The following LARGE1 variants were observed in gnomAD, a reference collection of about 807,000 sequenced individuals.
LARGE1 encodes the protein xylosyl- and glucuronyltransferase LARGE1.
In LARGE1, 43 loss-of-function variants were observed where a neutral mutation model predicts 87.6. The ratio of observed to expected loss-of-function variants is 0.49; its 90% CI spans 0.38 to 0.63. LARGE1 has a LOEUF of 0.63. LARGE1 is among the 30% of genes least tolerant of loss of function. LARGE1 has a pLI of 0.00. For synonymous variants in LARGE1, 434 were observed against 394.6 expected (o/e 1.10, Z -1.18); for missense variants, 802 against 1,000.2 (o/e 0.80, Z 2.67).
intron 12 of LARGE1, among the ~76,000 whole-genome samples, chr22:33,289,460 T>C (rs2145962536): frequency 6.6e-6 from 1 of 152,216 alleles, no homozygotes; most frequent in East Asian, 1.9e-4. Context: ...AAGGCTTATC[T>C]CTCATCTCTC....
chr22:33,829,861 C>G (rs1177072342), intron 1 of LARGE1, among the ~76,000 whole-genome samples: 2 of 152,104 alleles, frequency 1.3e-5, no homozygotes, highest in Non-Finnish European at 2.9e-5. Context: ...TGGAGTTAAC[C>G]CATTCTGAGC....
At chr22:33,755,544 C>A (rs2084481578) in intron 2 of LARGE1, among the ~76,000 whole-genome samples, 1 of 152,174 alleles carries the variant, frequency 6.6e-6, no homozygotes, top group Non-Finnish European at 1.5e-5. Context: ...ACAATAAAAC[C>A]CACTGGGCTC....
At chr22:33,596,958 A>G (rs1427747710) in intron 5 of LARGE1, among the ~76,000 whole-genome samples, 7 of 152,240 alleles carry the variant, frequency 4.6e-5, no homozygotes, top group African/African-American at 9.6e-5. Flanking sequence ...TGGGGGATTC[A>G]GAAGGCCACA....
intron 11 of LARGE1, among the ~76,000 whole-genome samples, chr22:33,192,461 T>G (rs1274379459): frequency 6.6e-6 from 1 of 152,200 alleles, no homozygotes; most frequent in African/African-American, 2.4e-5. Context: ...TGGCCATTTG[T>G]GTGTCTTCGT....
chr22:33,193,297 T>C (rs1279819303), intron 11 of LARGE1, among the ~76,000 whole-genome samples: 1 of 151,804 alleles, frequency 6.6e-6, no homozygotes, highest in East Asian at 1.9e-4. Flanking sequence ...AGCAAGAGAG[T>C]TTAAGGAACG....
chr22:33,358,821 C>T (rs148543071), intron 9 of LARGE1, among the ~76,000 whole-genome samples: 8 of 151,016 alleles, frequency 5.3e-5, no homozygotes, highest in African/African-American at 1.9e-4. Flanking sequence ...TCCATCTCTA[C>T]TTAAAATACA....
chr22:33,528,322 C>CA (rs1223001746), intron 6 of LARGE1, among the ~76,000 whole-genome samples: 2 of 152,122 alleles, frequency 1.3e-5, no homozygotes, highest in African/African-American at 4.8e-5. Flanking sequence ...CAGAAACAGA[C>CA]ACTTCACCAG....
chr22:33,842,375 GCT>G (rs1482021668), intron 1 of LARGE1, among the ~76,000 whole-genome samples: 1 of 152,078 alleles, frequency 6.6e-6, no homozygotes, highest in African/African-American at 2.4e-5. Flanking sequence ...AAAACTAGTA[GCT>G]CTGCTGGCTT....
chr22:33,417,031 C>T (rs7364196), intron 7 of LARGE1, among the ~76,000 whole-genome samples: 49,277 of 150,760 alleles, frequency 0.33, 8,578 homozygotes, highest in Non-Finnish European at 0.38. Flanking sequence ...TTCAGCCTCC[C>T]GAGTAGCTGG....
At chr22:33,626,402 A>G (rs2079924249) in intron 3 of LARGE1, 76 bp from the exon 4 acceptor site, 2 of 1,150,898 alleles carry the variant, frequency 1.7e-6, no homozygotes, top group Non-Finnish European at 1.3e-6. Flanking sequence ...ATCACACTAG[A>G]AAGAAAAATT....
intron 11 of LARGE1, among the ~76,000 whole-genome samples, chr22:33,248,521 C>G (rs1555885143): frequency 6.6e-6 from 1 of 152,104 alleles, no homozygotes; most frequent in Non-Finnish European, 1.5e-5. Context: ...TCAGCACAGC[C>G]CACCACAGTG....
rs1410699326 is a variant in LARGE1 at position 33,650,618 on chromosome 22, T to C, written c.157A>G (p.Arg53Gly). The C allele has an allele frequency of 6.2e-7, 1 of 1,603,862 alleles. No homozygotes were observed. Among genetic ancestry groups the C allele is most frequent in the Non-Finnish European group, 8.5e-7 (1 of 1,179,946 alleles). ...SPLESQAHSP[R>G]YTASSQRERE... ...TCCCGCTGGCTGGAGGCCGTGTACC[T>C]GGGGCTGTGTGCCTGGGACTCCAGC... Residue 53 changes from arginine to glycine, a missense_variant, in exon 3 of 15, where the codon AGG becomes GGG. By Grantham distance (125) the Arg-to-Gly change is moderately radical (BLOSUM62 -2). Around this residue, in one of 2 missense-constraint regions of LARGE1, gnomAD observed 177 missense variants for 158.3 expected, o/e 1.12. Coordinates refer to ENST00000397394, the MANE Select transcript of LARGE1 (RefSeq NM_133642.5).
chr22:33,376,971 T>C (rs2065012720), intron 9 of LARGE1, among the ~76,000 whole-genome samples: 1 of 152,156 alleles, frequency 6.6e-6, no homozygotes, highest in Non-Finnish European at 1.5e-5. Context: ...TGCCATTCAT[T>C]CTCTCCAACG....
chr22:33,501,133 A>G (rs1326829896), intron 6 of LARGE1, among the ~76,000 whole-genome samples: 1 of 152,222 alleles, frequency 6.6e-6, no homozygotes, highest in Non-Finnish European at 1.5e-5. Context: ...TGAGAGGGAA[A>G]GAATTGAAAT....
At chr22:33,073,769 G>T in the LARGE1 span, among the ~76,000 whole-genome samples, 3 of 152,108 alleles carry the variant, frequency 2.0e-5, no homozygotes, top group Admixed American at 2.0e-4. Flanking sequence ...AGAAAATTGC[G>T]TTAATACGAG....
chr22:33,146,784 A>G, the LARGE1 span, among the ~76,000 whole-genome samples: 3 of 152,070 alleles, frequency 2.0e-5, no homozygotes, highest in East Asian at 5.8e-4. Context: ...AAATGCAAAA[A>G]TCTAAAGAGT....
At chr22:33,827,091 G>A (rs986456803) in intron 1 of LARGE1, among the ~76,000 whole-genome samples, 2 of 152,026 alleles carry the variant, frequency 1.3e-5, no homozygotes, top group Non-Finnish European at 2.9e-5. Flanking sequence ...GACCGGGCAC[G>A]GTGGCTCACT....
chr22:33,642,710 CAAAAAAAAAAAAA>C (rs60815644), intron 3 of LARGE1, among the ~76,000 whole-genome samples: 2 of 17,344 alleles, frequency 1.2e-4, no homozygotes, highest in African/African-American at 2.6e-4. Flanking sequence ...AAATGGAAAG[CAAAAAAAAAAAAA>C]AAAAAAAAAA....
chr22:33,709,171 TACC>T, intron 2 of LARGE1, among the ~76,000 whole-genome samples: 1 of 152,148 alleles, frequency 6.6e-6, no homozygotes, highest in East Asian at 1.9e-4. Flanking sequence ...TCACAGTCAT[TACC>T]ACTTTTATAC....
Sources: gnomAD v4.1 joint callset for allele counts (sites outside exome capture counted in the v4.1 genomes callset) on GRCh38, gnomAD v4.1.1 for gene constraint, gnomAD v4.1.1 regional missense constraint, MANE v1.5 for transcripts, NCBI Gene and HGNC (gene_info 2026-07-23, HGNC 2026-07-21) for gene names.